The following MRPL1 variants were observed in gnomAD, a reference collection of about 807,000 sequenced individuals.
The protein encoded by MRPL1 is mitochondrial ribosomal protein L1.
Under a neutral mutation model 38.0 loss-of-function variants are expected in MRPL1, and 28 were observed. That is an observed-to-expected ratio of 0.74 (90% CI 0.55 to 1.01). The LOEUF (loss-of-function observed/expected upper bound fraction) is 1.01, where lower values mean the gene tolerates loss of function less well. Among genes scored for constraint, MRPL1 ranks in the 50% least tolerant of loss-of-function variants. The pLI, the probability that MRPL1 is intolerant of heterozygous loss-of-function variation, is 0.00. For missense variants in MRPL1, 358 were observed against 389.8 expected (o/e 0.92, Z 0.69); for synonymous variants, 123 against 126.7 (o/e 0.97, Z 0.20).
At chr4:77,885,398 C>CAAAAA in intron 4 of MRPL1, 59 bp downstream of exon 4, 3 of 1,339,060 alleles carry the variant, frequency 2.2e-6, no homozygotes, top group Non-Finnish European at 3.2e-6. Flanking sequence ...GACGGAGTCT[C>CAAAAA]ACTCTGTCAC....
intron 6 of MRPL1, among the ~76,000 whole-genome samples, chr4:77,899,921 G>A (rs1026348089): frequency 6.6e-6 from 1 of 152,222 alleles, no homozygotes; most frequent in Non-Finnish European, 1.5e-5. Context: ...TTGAAAAGCA[G>A]AGTAGAATAG....
At chr4:77,898,489 G>T (rs1479829495) in intron 6 of MRPL1, among the ~76,000 whole-genome samples, 1 of 151,850 alleles carries the variant, frequency 6.6e-6, no homozygotes, top group Non-Finnish European at 1.5e-5. Flanking sequence ...TAAAAATGGA[G>T]TATACAATTT....
chr4:77,948,453 G>A (rs1737324845), intron 7 of MRPL1, among the ~76,000 whole-genome samples: 1 of 152,160 alleles, frequency 6.6e-6, no homozygotes, highest in Non-Finnish European at 1.5e-5. Flanking sequence ...GGTGAACTAA[G>A]CATTGCTTTT....
At chr4:77,894,029 T>C in intron 5 of MRPL1, 110 bp from the exon 6 acceptor site, 1 of 677,424 alleles carries the variant, frequency 1.5e-6, no homozygotes, top group Non-Finnish European at 2.6e-6. Context: ...AAAAGAATTG[T>C]GCTTAATGTC....
At chr4:77,874,357 T>C (rs1458210098) in intron 2 of MRPL1, among the ~76,000 whole-genome samples, 2 of 152,194 alleles carry the variant, frequency 1.3e-5, no homozygotes, top group Non-Finnish European at 2.9e-5. Context: ...TTTAACTGCA[T>C]TTCATTGTGT....
rs1735649984 is a variant in MRPL1 at position 77,885,328 on chromosome 4, G to C, written c.475G>C (p.Val159Leu). ...PFASEINKVA[V>L]FTENASEVKI... The stretch of plus-strand genomic sequence containing the variant: ...TGCTTCCGAAATCAATAAAGTTGCT[G>C]TATTTACAGAGGTGAGTAACTTCCG... Residue 159 changes from valine to leucine, a missense_variant, in exon 4 of 9, where the codon GTA (valine) becomes CTA (leucine). By Grantham distance (32) the Val-to-Leu change is conservative (BLOSUM62 1). Coordinates refer to ENST00000315567, the MANE Select transcript of MRPL1 (RefSeq NM_020236.4). 1 of 1,611,952 alleles carries C rather than the reference G, an allele frequency of 6.2e-7. No homozygotes were observed. Among genetic ancestry groups the C allele is most frequent in the East Asian group, 2.2e-5 (1 of 44,856 alleles).
At chr4:77,950,574 GT>G (rs1197509249) in intron 8 of MRPL1, among the ~76,000 whole-genome samples, 2 of 152,210 alleles carry the variant, frequency 1.3e-5, no homozygotes, top group Non-Finnish European at 2.9e-5. Context: ...TTATAACCAA[GT>G]TTATAATTAA....
intron 1 of MRPL1, 95 bp from the exon 2 acceptor site, chr4:77,871,649 A>G: frequency 3.3e-6 from 2 of 597,556 alleles, no homozygotes; most frequent in Non-Finnish European, 5.7e-6. Flanking sequence ...AAAATATTGA[A>G]TGTTTTCATT....
At chr4:77,894,318 A>G in intron 6 of MRPL1, 68 bp downstream of exon 6, 1 of 997,088 alleles carries the variant, frequency 1.0e-6, no homozygotes. Flanking sequence ...TAGTTAGGAA[A>G]CAAAGTTGTT....
In MRPL1 at chr4:77,883,545, G is replaced by A. The variant is rs754553928; in HGVS notation, c.402+45G>A. ...ATAAGTTTACCTGTGAACAGTGGCT[G>A]TATGAATTGGTGTTTCTTTATTTTA... On this transcript the variant is annotated intron_variant, in intron 3 of 8. Transcript: ENST00000315567. 4.0e-5 allele frequency: 59 copies of A among 1,476,636 alleles called. No homozygotes were observed. The Middle Eastern group carries it at 3.3e-3, about 83-fold the overall frequency. The allele number at this position is 1,476,636 out of a possible 1,614,324, so 91.5% of individuals were successfully genotyped here.
intron 7 of MRPL1, among the ~76,000 whole-genome samples, chr4:77,913,468 G>C (rs1736337633): frequency 6.6e-6 from 1 of 152,148 alleles, no homozygotes; most frequent in Non-Finnish European, 1.5e-5. Flanking sequence ...TATTTGGAAT[G>C]AATAAAGTTA....
chr4:77,928,652 A>T (rs1211593333), intron 7 of MRPL1, among the ~76,000 whole-genome samples: 1 of 152,114 alleles, frequency 6.6e-6, no homozygotes, highest in Admixed American at 6.5e-5. Context: ...AAGAGGAAAA[A>T]CTAATATTTA....
intron 7 of MRPL1, among the ~76,000 whole-genome samples, chr4:77,947,318 T>C (rs1737294822): frequency 6.6e-6 from 1 of 152,214 alleles, no homozygotes; most frequent in African/African-American, 2.4e-5. Context: ...AATAACTGTT[T>C]TGTCTTGCAG....
At chr4:77,945,535 G>T (rs537859655) in intron 7 of MRPL1, among the ~76,000 whole-genome samples, 1 of 151,950 alleles carries the variant, frequency 6.6e-6, no homozygotes, top group South Asian at 2.1e-4. Context: ...TCTTCTGTAA[G>T]ATTGTAAAAA....
chr4:77,868,170 T>C lies in MRPL1; in HGVS notation c.32-3574T>C, dbSNP rs575530543. Among the ~76,000 whole-genome samples, 4 of 151,662 alleles carry C rather than the reference T, an allele frequency of 2.6e-5. No individual in the cohort carries two copies. In the East Asian group the frequency reaches 7.8e-4, roughly 29 times the overall value. ...CTCTGCTTCCCAGCTTCAAGTGATT[T>C]TCCTGCTTCAGCCTCCTGAGTAGCT... On this transcript the variant is annotated intron_variant, in intron 1 of 8. Transcript: ENST00000315567.
chr4:77,930,284 G>A (rs1158276593), intron 7 of MRPL1, among the ~76,000 whole-genome samples: 3 of 152,130 alleles, frequency 2.0e-5, no homozygotes, highest in Admixed American at 6.5e-5. Flanking sequence ...ATAATGGTCC[G>A]TGTCCTATTA....
chr4:77,897,795 A>T (rs1374128126), intron 6 of MRPL1, among the ~76,000 whole-genome samples: 2 of 152,208 alleles, frequency 1.3e-5, no homozygotes, highest in Non-Finnish European at 2.9e-5. Context: ...AGTTTTGGTT[A>T]TATAAGGGAA....
At chr4:77,922,805 C>CG (rs1229231091) in intron 7 of MRPL1, among the ~76,000 whole-genome samples, 24 of 151,988 alleles carry the variant, frequency 1.6e-4, no homozygotes, top group African/African-American at 5.8e-4. Context: ...AATGAATAGG[C>CG]GGAAGGGTTA....
intron 8 of MRPL1, among the ~76,000 whole-genome samples, chr4:77,951,505 T>A (rs1737407918): frequency 6.6e-6 from 1 of 152,252 alleles, no homozygotes; most frequent in Non-Finnish European, 1.5e-5. Context: ...CCCCTTCTTA[T>A]AATTCAAAAT....
Sources: gnomAD v4.1 joint callset for allele counts (sites outside exome capture counted in the v4.1 genomes callset) on GRCh38, gnomAD v4.1.1 for gene constraint, MANE v1.5 for transcripts, NCBI Gene and HGNC (gene_info 2026-07-23, HGNC 2026-07-21) for gene names.